ST3GAL2: variants seen among roughly 807,000 people sequenced by gnomAD.
ST3GAL2 encodes CMP-N-acetylneuraminate-beta-galactosamide-alpha-2,3-sialyltransferase 2.
Under a neutral mutation model 37.5 loss-of-function variants are expected in ST3GAL2, and 16 were observed. The observed-to-expected ratio is 0.43, with a 90% CI of 0.29 to 0.65. The LOEUF is 0.65. ST3GAL2 is among the 30% of genes least tolerant of loss of function. The probability of loss-of-function intolerance (pLI) is 0.17; values close to 1 mark genes in which losing one functional copy is unlikely to be tolerated. For synonymous variants in ST3GAL2, 238 were observed against 202.9 expected, an observed-to-expected ratio of 1.17 and a Z score of -1.47; for missense variants, 383 against 487.8, an observed-to-expected ratio of 0.79 and a Z score of 2.02.
intron 2 of ST3GAL2, among the ~76,000 whole-genome samples, 170 bp downstream of exon 2, chr16:70,398,022 C>T (rs999311509): frequency 1.6e-4 from 24 of 152,188 alleles, no homozygotes; most frequent in African/African-American, 5.8e-4. Flanking sequence ...AAATACTAGC[C>T]CCCTCCATCA....
chr16:70,398,439 A>G lies in ST3GAL2; in HGVS notation c.92T>C (p.Met31Thr), dbSNP rs766308543. 1.9e-6 allele frequency: 3 copies of G among 1,613,696 alleles called. No homozygotes were observed. Among genetic ancestry groups the G allele is most frequent in the Admixed American group, 3.3e-5 (2 of 60,030 alleles). The change falls in exon 2 of 7, where the codon ATG becomes ACG. Residue 31 changes from methionine to threonine, a missense_variant. This residue lies in a region of ST3GAL2 where 223 missense variants were observed against 239.1 expected (regional missense o/e 0.93). Coordinates refer to ENST00000342907, the MANE Select transcript of ST3GAL2 (RefSeq NM_006927.4). ...SLLFTYSHHS[M>T]ATLPYLDSGA... Reference sequence around the variant, plus strand: ...TGAGTCCAGGTAGGGGAGCGTGGCCATGCTGTGGTGCGAGTAGGTGAAGAG... The same window carrying G: ...TGAGTCCAGGTAGGGGAGCGTGGCCGTGCTGTGGTGCGAGTAGGTGAAGAG...
rs994172009 is a variant in ST3GAL2 at position 70,436,058 on chromosome 16, G to A, written c.-1004+2891C>T. ...GGAGAATAGCCTGAACCTGGGAGGC[G>A]GAGGTTGCAGTGAGCTGAGATCACA... is the stretch of plus-strand genomic sequence containing the variant. On this transcript the variant is annotated intron_variant, in intron 1 of 6. Transcript: ENST00000342907. Among the ~76,000 whole-genome samples the A allele has an allele frequency of 1.3e-4, 20 of 151,232 alleles. 1 individual carries two copies. Among genetic ancestry groups the A allele is most frequent in the Non-Finnish European group, 5.9e-5 (4 of 67,752 alleles).
At chr16:70,426,244 AGTGCAGTGGC>A (rs1460131679) in intron 1 of ST3GAL2, among the ~76,000 whole-genome samples, 1 of 121,216 alleles carries the variant, frequency 8.2e-6, no homozygotes. Context: ...CCCAGGCTGG[AGTGCAGTGGC>A]GCGATCTCGG....
At position 70,376,290 on chromosome 16, in the gene ST3GAL2, T is replaced by TTA. The variant is rs2047345311; in HGVS notation, c.*5397_*5398dup. On this transcript the variant is annotated 3_prime_UTR_variant, in exon 7 of 7. Coordinates refer to ENST00000342907, the MANE Select transcript of ST3GAL2 (RefSeq NM_006927.4). ...TTAAAAAAGGAAAGGCAAAGTCATT[T>TTA]TATAGCAAGGCCGGATGGAACTGGG... 1 of 152,258 alleles carries TTA rather than the reference T, an allele frequency of 6.6e-6. No individual in the cohort carries two copies. The highest frequency in any genetic ancestry group is 6.5e-5 in the Admixed American group (1 of 15,278). The allele number at this position is 152,258 out of a possible 1,614,324, so 9.4% of individuals were successfully genotyped here.
intron 1 of ST3GAL2, among the ~76,000 whole-genome samples, chr16:70,413,040 G>A (rs2047649845): frequency 6.6e-6 from 1 of 152,036 alleles, no homozygotes; most frequent in Admixed American, 6.6e-5. Flanking sequence ...GCTGAGGTCA[G>A]GAGTTCACGA....
Position 70,377,178 on chromosome 16 carries a change from TAAAAAAAAA to T in ST3GAL2, c.*4502_*4510del, listed in dbSNP as rs34454921. ...CTGGGCGACAGGAGACCCTGTCTCTTAAAAAAAAAAAAAAAAAAAAAAAAAGGGTCTGGT... is the reference window on the plus strand; with the variant it reads ...CTGGGCGACAGGAGACCCTGTCTCTTAAAAAAAAAAAAAAAAGGGTCTGGT... On this transcript the variant is annotated 3_prime_UTR_variant, in exon 7 of 7. Transcript: ENST00000342907. 1 of 85,494 alleles carries T rather than the reference TAAAAAAAAA, an allele frequency of 1.2e-5. No individual in the cohort carries two copies. The highest frequency in any genetic ancestry group is 2.1e-5 in the Non-Finnish European group (1 of 48,396). The allele number at this position is 85,494 out of a possible 1,614,324, so 5.3% of individuals were successfully genotyped here.
At chr16:70,429,552 G>A (rs1278109114) in intron 1 of ST3GAL2, among the ~76,000 whole-genome samples, 1 of 129,076 alleles carries the variant, frequency 7.7e-6, no homozygotes, top group Non-Finnish European at 1.6e-5. Flanking sequence ...TCGCGCCACT[G>A]CACTCCAGCC....
chr16:70,424,084 A>G (rs2047734252), intron 1 of ST3GAL2, among the ~76,000 whole-genome samples: 1 of 151,292 alleles, frequency 6.6e-6, no homozygotes, highest in African/African-American at 2.4e-5. Flanking sequence ...ACAAAACAAA[A>G]AAAGCCATTC....
chr16:70,415,098 TCTC>T (rs1268537851), intron 1 of ST3GAL2, among the ~76,000 whole-genome samples: 2 of 152,060 alleles, frequency 1.3e-5, no homozygotes, highest in African/African-American at 4.8e-5. Flanking sequence ...ATGGTCTCGA[TCTC>T]CTTACCTCGT....
intron 1 of ST3GAL2, among the ~76,000 whole-genome samples, chr16:70,436,559 C>G (rs2047827011): frequency 6.6e-6 from 1 of 151,682 alleles, no homozygotes; most frequent in African/African-American, 2.4e-5. Context: ...CCCTAGGGAG[C>G]TGGAGAGAGA....
chr16:70,434,567 C>T (rs1015200558), intron 1 of ST3GAL2, among the ~76,000 whole-genome samples: 6 of 152,156 alleles, frequency 3.9e-5, no homozygotes, highest in African/African-American at 9.7e-5. Context: ...AGTTTCAACC[C>T]CAGATCCTCC....
Position 70,399,060 on chromosome 16 carries a change from T to C in ST3GAL2, c.-530A>G. The stretch of plus-strand genomic sequence containing the variant: ...AGGGGACTTGGGTTCCATGCAAGTG[T>C]TGTCCCACCTCCTGGCCCAAAACCT... On this transcript the variant is annotated 5_prime_UTR_variant, in exon 2 of 7. Transcript: ENST00000342907. The C allele has an allele frequency of 5.0e-6, 2 of 401,344 alleles. No homozygotes were observed. The highest frequency in any genetic ancestry group is 8.8e-6 in the Non-Finnish European group (2 of 227,850). The allele number at this position is 401,344 out of a possible 1,614,324, so 24.9% of individuals were successfully genotyped here. A position where few individuals can be genotyped will look rare whatever the true frequency, so the allele number is the denominator to read the frequency against.
chr16:70,410,240 C>CTGTTTTTTTTTTTT, intron 1 of ST3GAL2, among the ~76,000 whole-genome samples: 1 of 62,664 alleles, frequency 1.6e-5, no homozygotes, highest in African/African-American at 8.4e-5. Context: ...CCACCCTCAC[C>CTGTTTTTTTTTTTT]TTTTTTTTTT....
chr16:70,438,169 T>C (rs531169863), intron 1 of ST3GAL2, among the ~76,000 whole-genome samples: 12 of 152,238 alleles, frequency 7.9e-5, no homozygotes, highest in African/African-American at 2.9e-4. Flanking sequence ...GAGTGGGTTA[T>C]GCGAAGGAGG....
intron 3 of ST3GAL2, chr16:70,393,886 C>A (rs112483728): frequency 4.6e-5 from 7 of 152,270 alleles, no homozygotes; most frequent in Admixed American, 2.0e-4. Flanking sequence ...TTCCTTCTGC[C>A]TCCTGGGAAA....
intron 1 of ST3GAL2, among the ~76,000 whole-genome samples, chr16:70,431,687 G>C (rs2047791022): frequency 6.6e-6 from 1 of 150,920 alleles, no homozygotes; most frequent in African/African-American, 2.5e-5. Flanking sequence ...AAATTGGCCA[G>C]GTGCAGTGGC....
intron 1 of ST3GAL2, among the ~76,000 whole-genome samples, chr16:70,419,276 T>A (rs1158154250): frequency 1.3e-5 from 2 of 152,220 alleles, no homozygotes; most frequent in Admixed American, 6.5e-5. Flanking sequence ...CAGGCCACAG[T>A]CTTTGCGGCC....
intron 1 of ST3GAL2, among the ~76,000 whole-genome samples, chr16:70,412,363 G>C (rs1038291385): frequency 1.3e-5 from 2 of 152,118 alleles, no homozygotes; most frequent in African/African-American, 4.8e-5. Context: ...TCTTGGTCTG[G>C]TCAGGTATGG....
At chr16:70,393,087 T>A (rs996809457) in intron 3 of ST3GAL2, among the ~76,000 whole-genome samples, 2 of 117,412 alleles carry the variant, frequency 1.7e-5, no homozygotes, top group African/African-American at 1.1e-4. Context: ...CATCTATAAA[T>A]TTTTTTTTTT....
Sources: gnomAD v4.1 joint callset for allele counts (sites outside exome capture counted in the v4.1 genomes callset) on GRCh38, gnomAD v4.1.1 for gene constraint, gnomAD v4.1.1 regional missense constraint, MANE v1.5 for transcripts, NCBI Gene and HGNC (gene_info 2026-07-23, HGNC 2026-07-21) for gene names.